Variants in MICU1 observed in about 807,000 individuals in gnomAD.
The protein encoded by MICU1 is mitochondrial calcium uptake 1.
MICU1 carries 45 observed loss-of-function variants against 56.8 expected under a neutral mutation model. That is an observed-to-expected ratio of 0.79 (90% CI 0.62 to 1.02). The LOEUF is 1.02. Ranked by LOEUF, MICU1 falls within the 50% of genes least tolerant of loss-of-function variation. The probability of loss-of-function intolerance (pLI) is 0.00; values close to 1 mark genes in which losing one functional copy is unlikely to be tolerated. For missense variants in MICU1, 504 were observed against 587.1 expected, an observed-to-expected ratio of 0.86 and a Z score of 1.46; for synonymous variants, 186 against 195.1, an observed-to-expected ratio of 0.95 and a Z score of 0.39.
intron 5 of MICU1, among the ~76,000 whole-genome samples, chr10:72,531,915 T>C (rs1839496964): frequency 6.6e-6 from 1 of 151,312 alleles, no homozygotes; most frequent in Non-Finnish European, 1.5e-5. Flanking sequence ...TATCTTTTTT[T>C]TTTGAGACGG....
chr10:72,595,352 C>T (rs941591984), intron 1 of MICU1, among the ~76,000 whole-genome samples: 4 of 148,776 alleles, frequency 2.7e-5, no homozygotes, highest in Non-Finnish European at 4.4e-5. Flanking sequence ...CTCTGGAGAC[C>T]GAACCAGGAG....
At chr10:72,585,120 C>T (rs1437654392) in intron 1 of MICU1, among the ~76,000 whole-genome samples, 1 of 150,338 alleles carries the variant, frequency 6.7e-6, no homozygotes, top group East Asian at 2.0e-4. Flanking sequence ...CAGAGTTTCC[C>T]TCTGTCCCCC....
chr10:72,546,590 A>G (rs1285791338), intron 4 of MICU1, among the ~76,000 whole-genome samples: 1 of 152,220 alleles, frequency 6.6e-6, no homozygotes, highest in Non-Finnish European at 1.5e-5. Flanking sequence ...TCTTTGCTCA[A>G]TTAAACTCAG....
At chr10:72,618,755 G>T (rs891289124) in intron 1 of MICU1, among the ~76,000 whole-genome samples, 3 of 152,148 alleles carry the variant, frequency 2.0e-5, no homozygotes, top group African/African-American at 7.2e-5. Context: ...ATGTTGTGAT[G>T]ACAGAAATAT....
At chr10:72,519,638 C>G (rs1411508362) in intron 5 of MICU1, among the ~76,000 whole-genome samples, 1 of 152,154 alleles carries the variant, frequency 6.6e-6, no homozygotes, top group Non-Finnish European at 1.5e-5. Flanking sequence ...GGCACTGGAA[C>G]TGGGATTTCC....
At chr10:72,465,526 T>G (rs1185381377) in intron 8 of MICU1, among the ~76,000 whole-genome samples, 15 of 138,132 alleles carry the variant, frequency 1.1e-4, no homozygotes, top group African/African-American at 4.2e-4. Context: ...TTTTTTTTTT[T>G]TTTTTGAAAT....
rs138242092 is a variant in MICU1 at position 72,546,762 on chromosome 10, G to C, written c.493+4417C>G. ...TATTATTGAGACAGGGTCTCACACT[G>C]TTGCCCAGGCTGGAGTACAGTGGCA... On this transcript the variant is annotated intron_variant, in intron 4 of 11. Coordinates refer to ENST00000361114, the MANE Select transcript of MICU1 (RefSeq NM_001195518.2). Among the ~76,000 whole-genome samples the C allele has an allele frequency of 4.2e-3, 637 of 152,190 alleles. 1 individual carries two copies. The highest frequency in any genetic ancestry group is 7.6e-3 in the Non-Finnish European group (515 of 68,016).
chr10:72,448,121 A>ATGTGTGTGTGTGTG (rs150733309), intron 8 of MICU1, among the ~76,000 whole-genome samples: 13 of 121,808 alleles, frequency 1.1e-4, no homozygotes, highest in African/African-American at 3.6e-4. Context: ...GTTTATATAT[A>ATGTGTGTGTGTGTG]TGTGTGTGTG....
chr10:72,477,883 T>C (rs1866172140), intron 6 of MICU1, among the ~76,000 whole-genome samples: 3 of 150,308 alleles, frequency 2.0e-5, no homozygotes, highest in Non-Finnish European at 4.4e-5. Flanking sequence ...TTTTCTTTTT[T>C]TTTTTGAGAC....
At chr10:72,569,184 C>T (rs1478991838) in intron 1 of MICU1, among the ~76,000 whole-genome samples, 5 of 132,904 alleles carry the variant, frequency 3.8e-5, no homozygotes, top group Non-Finnish European at 6.3e-5. Flanking sequence ...TAAAACAATA[C>T]ATTTCTAAAA....
chr10:72,496,450 C>T (rs1402770279), intron 6 of MICU1, among the ~76,000 whole-genome samples: 2 of 151,808 alleles, frequency 1.3e-5, no homozygotes, highest in Admixed American at 6.6e-5. Flanking sequence ...TACAGGCATG[C>T]GCCACCACAC....
intron 6 of MICU1, 137 bp from the exon 7 acceptor site, chr10:72,477,393 T>C: frequency 1.7e-6 from 2 of 1,201,040 alleles, no homozygotes; most frequent in South Asian, 1.4e-5. Context: ...TCTCAATAAA[T>C]GGAAAATGAA....
intron 11 of MICU1, 38 bp downstream of exon 11, chr10:72,375,745 G>A: frequency 6.3e-7 from 1 of 1,587,424 alleles, no homozygotes; most frequent in Non-Finnish European, 8.6e-7. Flanking sequence ...AGGGCAGCTA[G>A]GCTGTTTCCC....
At chr10:72,569,316 C>CCTCT (rs1840547599) in intron 1 of MICU1, among the ~76,000 whole-genome samples, 1 of 139,056 alleles carries the variant, frequency 7.2e-6, no homozygotes, top group South Asian at 2.3e-4. Context: ...TTCACTGCAA[C>CCTCT]CTCTGCCTCT....
intron 6 of MICU1, among the ~76,000 whole-genome samples, chr10:72,500,273 T>C (rs1564904396): frequency 5.1e-3 from 54 of 10,512 alleles, no homozygotes; most frequent in Non-Finnish European, 0.017. Flanking sequence ...TATATATATA[T>C]ATATATATAT....
chr10:72,516,597 G>A (rs929392547), intron 5 of MICU1, among the ~76,000 whole-genome samples: 3 of 152,032 alleles, frequency 2.0e-5, no homozygotes, highest in Non-Finnish European at 4.4e-5. Context: ...AATCCATCTC[G>A]AGTTAATTTT....
intron 10 of MICU1, among the ~76,000 whole-genome samples, chr10:72,377,975 C>T (rs372032272): frequency 1.1e-4 from 17 of 152,100 alleles, no homozygotes; most frequent in Admixed American, 3.9e-4. Flanking sequence ...CCAGGCCAGG[C>T]GTGGTGGCTT....
chr10:72,451,701 C>T (rs747907740), intron 8 of MICU1, among the ~76,000 whole-genome samples: 3 of 151,990 alleles, frequency 2.0e-5, no homozygotes, highest in Non-Finnish European at 4.4e-5. Flanking sequence ...TGCCACTGTA[C>T]TCAGCTAATT....
At chr10:72,378,324 G>A (rs1290061521) in intron 10 of MICU1, among the ~76,000 whole-genome samples, 3 of 152,146 alleles carry the variant, frequency 2.0e-5, no homozygotes, top group Non-Finnish European at 2.9e-5. Flanking sequence ...GTTGGAGGAG[G>A]GGCCTGGTAG....
Sources: allele counts gnomAD v4.1 joint callset (sites outside exome capture counted in the v4.1 genomes callset), GRCh38; gene constraint gnomAD v4.1.1; transcripts MANE v1.5; gene names NCBI Gene and HGNC (gene_info 2026-07-23, HGNC 2026-07-21).